The following RORA variants were observed in gnomAD, a reference collection of about 807,000 sequenced individuals.
RORA encodes nuclear receptor ROR-alpha.
A neutral mutation model predicts 69.5 loss-of-function variants in RORA; 7 were observed. The observed-to-expected ratio is 0.10, with a 90% CI of 0.06 to 0.19. The LOEUF (loss-of-function observed/expected upper bound fraction) is 0.19, where lower values mean the gene tolerates loss of function less well. RORA is among the 10% of genes least tolerant of loss of function. The probability of loss-of-function intolerance (pLI) is 1.00; values close to 1 mark genes in which losing one functional copy is unlikely to be tolerated. For synonymous variants in RORA, 261 were observed against 240.8 expected (o/e 1.08, Z -0.78); for missense variants, 457 against 663.0 (o/e 0.69, Z 3.41).
intron 1 of RORA, among the ~76,000 whole-genome samples, chr15:60,883,212 T>C (rs545016906): frequency 6.7e-6 from 1 of 148,778 alleles, no homozygotes; most frequent in East Asian, 2.0e-4. Context: ...AAAATGCAGT[T>C]GAATTTAGCT....
intron 1 of RORA, among the ~76,000 whole-genome samples, chr15:61,180,219 A>G (rs958433315): frequency 6.6e-6 from 1 of 151,884 alleles, no homozygotes; most frequent in Non-Finnish European, 1.5e-5. Context: ...GTTAAGTATG[A>G]CTTAAAGACA....
At chr15:60,509,103 T>A (rs902597692) in intron 5 of RORA, among the ~76,000 whole-genome samples, 5 of 152,174 alleles carry the variant, frequency 3.3e-5, no homozygotes, top group African/African-American at 1.2e-4. Flanking sequence ...GAGTCTTAGT[T>A]AAAGAGATAG....
chr15:60,800,958 C>G (rs1430966817), intron 1 of RORA, among the ~76,000 whole-genome samples: 1 of 152,254 alleles, frequency 6.6e-6, no homozygotes, highest in Non-Finnish European at 1.5e-5. Context: ...CCAATACTTT[C>G]TGCAGTGCTT....
intron 1 of RORA, among the ~76,000 whole-genome samples, chr15:61,031,050 G>C (rs1455507664): frequency 6.6e-6 from 1 of 152,092 alleles, no homozygotes; most frequent in Non-Finnish European, 1.5e-5. Flanking sequence ...GTTGACATCA[G>C]TAACTGTTTA....
At chr15:61,068,653 T>A (rs2078297502) in intron 1 of RORA, among the ~76,000 whole-genome samples, 1 of 152,208 alleles carries the variant, frequency 6.6e-6, no homozygotes, top group Non-Finnish European at 1.5e-5. Context: ...ATTTAGTCAA[T>A]ATAAACCATT....
At chr15:60,754,115 T>A (rs1272953316) in intron 1 of RORA, among the ~76,000 whole-genome samples, 1 of 152,248 alleles carries the variant, frequency 6.6e-6, no homozygotes, top group Non-Finnish European at 1.5e-5. Context: ...CTATATTGTG[T>A]TAGTCTTTTG....
At chr15:61,038,252 T>G (rs1413730454) in intron 1 of RORA, among the ~76,000 whole-genome samples, 1 of 152,224 alleles carries the variant, frequency 6.6e-6, no homozygotes, top group Non-Finnish European at 1.5e-5. Context: ...ATTTGTTTTA[T>G]GTAGCAATGA....
At chr15:60,791,591 A>G (rs1164340133) in intron 1 of RORA, among the ~76,000 whole-genome samples, 1 of 152,220 alleles carries the variant, frequency 6.6e-6, no homozygotes, top group Non-Finnish European at 1.5e-5. Flanking sequence ...TAAGGGGAGA[A>G]ATTCTGGAAA....
chr15:60,821,587 ATC>A (rs2072894628), intron 1 of RORA, among the ~76,000 whole-genome samples: 1 of 152,182 alleles, frequency 6.6e-6, no homozygotes, highest in Admixed American at 6.5e-5. Context: ...AGTGATTTGT[ATC>A]TCTTTCTCCT....
intron 1 of RORA, among the ~76,000 whole-genome samples, chr15:61,179,244 G>T (rs2079659823): frequency 6.6e-6 from 1 of 152,200 alleles, no homozygotes; most frequent in South Asian, 2.1e-4. Context: ...GGAAACCCAT[G>T]AGGTCAAAAC....
intron 1 of RORA, among the ~76,000 whole-genome samples, chr15:61,130,172 T>C (rs2079178367): frequency 6.6e-6 from 1 of 152,224 alleles, no homozygotes; most frequent in Admixed American, 6.5e-5. Context: ...AAAGAAATAA[T>C]ATATTAGTTA....
At chr15:60,642,930 G>T (rs2069970013) in intron 2 of RORA, among the ~76,000 whole-genome samples, 1 of 152,058 alleles carries the variant, frequency 6.6e-6, no homozygotes, top group South Asian at 2.1e-4. Flanking sequence ...GTTGAGGTCA[G>T]TGGATTGCTT....
Position 60,492,853 on chromosome 15 carries a change from A to C in RORA, c.*4602T>G, listed in dbSNP as rs1446101905. On this transcript the variant is annotated 3_prime_UTR_variant, in exon 11 of 11. Coordinates refer to ENST00000335670, the MANE Select transcript of RORA (RefSeq NM_134261.3). The stretch of plus-strand genomic sequence containing the variant: ...TCAACAAAATGAGACGAGAGTAAAG[A>C]GTTTACACACACGCAGTTCTATATA... 2 of 152,138 alleles carry C rather than the reference A, an allele frequency of 1.3e-5. No individual in the cohort carries two copies. Among genetic ancestry groups the C allele is most frequent in the African/African-American group, 2.4e-5 (1 of 41,434 alleles). The allele number at this position is 152,138 out of a possible 1,614,324, so 9.4% of individuals were successfully genotyped here.
At chr15:61,042,889 C>A (rs1161935470) in intron 1 of RORA, among the ~76,000 whole-genome samples, 1 of 152,160 alleles carries the variant, frequency 6.6e-6, no homozygotes, top group East Asian at 1.9e-4. Flanking sequence ...CAGACTCTCC[C>A]CTTCTAAAGC....
At chr15:60,629,059 C>G (rs2069663978) in intron 2 of RORA, among the ~76,000 whole-genome samples, 1 of 151,034 alleles carries the variant, frequency 6.6e-6, no homozygotes, top group African/African-American at 2.4e-5. Flanking sequence ...ATTCTTGAGG[C>G]CTTGGCTTAA....
intron 1 of RORA, among the ~76,000 whole-genome samples, chr15:61,209,459 C>T (rs2079971169): frequency 6.6e-6 from 1 of 152,144 alleles, no homozygotes; most frequent in Admixed American, 6.5e-5. Flanking sequence ...AAAATTTTAA[C>T]TTTTTAGAGA....
At chr15:60,707,334 TTTTATTTATTTATTTATTTA>T (rs35301219) in intron 1 of RORA, among the ~76,000 whole-genome samples, 27 of 136,122 alleles carry the variant, frequency 2.0e-4, no homozygotes, top group African/African-American at 6.8e-4. Context: ...TATTTCTTTA[TTTTATTTATTTATTTATTTA>T]TTTATTTATT....
chr15:60,990,231 G>A (rs945678817), intron 1 of RORA, among the ~76,000 whole-genome samples: 6 of 152,146 alleles, frequency 3.9e-5, no homozygotes, highest in African/African-American at 7.2e-5. Context: ...GATAATAAAT[G>A]AAATTTTAAT....
At chr15:61,211,004 G>A (rs1596074925) in intron 1 of RORA, among the ~76,000 whole-genome samples, 1 of 152,212 alleles carries the variant, frequency 6.6e-6, no homozygotes. Flanking sequence ...CAGGTAACCA[G>A]CTGGTTAGAT....
Sources: gnomAD v4.1 joint callset for allele counts (sites outside exome capture counted in the v4.1 genomes callset) on GRCh38, gnomAD v4.1.1 for gene constraint, MANE v1.5 for transcripts, NCBI Gene and HGNC (gene_info 2026-07-23, HGNC 2026-07-21) for gene names.